CARMIL1: variants seen among roughly 807,000 people sequenced by gnomAD.
CARMIL1 encodes capping protein regulator and myosin 1 linker 1, also known as F-actin-uncapping protein LRRC16A.
Under a neutral mutation model 177.1 loss-of-function variants are expected in CARMIL1, and 90 were observed. The observed-to-expected ratio is 0.51, with a 90% CI of 0.43 to 0.61. The LOEUF (loss-of-function observed/expected upper bound fraction) is 0.61. Among genes scored for constraint, CARMIL1 ranks in the 20% least tolerant of loss-of-function variants. The probability of loss-of-function intolerance (pLI) is 0.00; values close to 1 mark genes in which losing one functional copy is unlikely to be tolerated. For synonymous variants in CARMIL1, 577 were observed against 606.2 expected, an observed-to-expected ratio of 0.95 and a Z score of 0.71; for missense variants, 1,380 against 1,667.0, an observed-to-expected ratio of 0.83 and a Z score of 3.00.
At chr6:25,412,512 T>C (rs60956605) in intron 2 of CARMIL1, among the ~76,000 whole-genome samples, 2,634 of 152,286 alleles carry the variant, frequency 0.017, 54 homozygotes, top group African/African-American at 0.058. Context: ...GCCCAGGAAG[T>C]CTAGGCTGCA....
intron 5 of CARMIL1, among the ~76,000 whole-genome samples, chr6:25,449,292 A>C (rs915369788): frequency 6.6e-6 from 1 of 152,182 alleles, no homozygotes; most frequent in African/African-American, 2.4e-5. Flanking sequence ...TTCCTGAAAA[A>C]GGAAACTTTG....
At position 25,553,984 on chromosome 6, in the gene CARMIL1, CTCTGTCCT is replaced by C. The variant is rs1300361048; in HGVS notation, c.2505-23_2505-16del. The C allele has an allele frequency of 6.7e-7, 1 of 1,484,358 alleles. No homozygotes were observed. Among genetic ancestry groups the C allele is most frequent in the East Asian group, 2.3e-5 (1 of 42,618 alleles). 91.9% of individuals were successfully genotyped at this position (1,484,358 alleles called of 1,614,324 possible). ...CCCTCTTGCACAAATTAAAATGGTA[CTCTGTCCT>C]TTTGATTTTCACACAGTGAAGTAAA... On this transcript the variant is annotated splice_polypyrimidine_tract_variant and intron_variant, in intron 27 of 36. Transcript: ENST00000329474.
At chr6:25,384,085 C>T (rs910401048) in intron 2 of CARMIL1, among the ~76,000 whole-genome samples, 9 of 152,174 alleles carry the variant, frequency 5.9e-5, no homozygotes, top group African/African-American at 1.9e-4. Context: ...GCGCTCCGCC[C>T]ACCTTGGCCT....
chr6:25,338,820 T>A (rs1786568900), intron 2 of CARMIL1, among the ~76,000 whole-genome samples: 1 of 152,188 alleles, frequency 6.6e-6, no homozygotes. Context: ...GCTTCTTGGG[T>A]TGTGCTATTT....
intron 2 of CARMIL1, among the ~76,000 whole-genome samples, chr6:25,302,844 A>C (rs1419860451): frequency 2.6e-5 from 4 of 152,204 alleles, no homozygotes; most frequent in Non-Finnish European, 5.9e-5. Flanking sequence ...TGACTAGTTC[A>C]TCTGAGTTCT....
intron 2 of CARMIL1, among the ~76,000 whole-genome samples, chr6:25,293,505 C>T (rs998680519): frequency 1.3e-5 from 2 of 152,030 alleles, no homozygotes; most frequent in Non-Finnish European, 2.9e-5. Flanking sequence ...CCTGTGTCAG[C>T]CTCTCGGGAG....
chr6:25,361,756 A>AG (rs1491216593), intron 2 of CARMIL1, among the ~76,000 whole-genome samples: 2 of 151,058 alleles, frequency 1.3e-5, no homozygotes, highest in East Asian at 3.9e-4. Flanking sequence ...TAAGGTCATC[A>AG]GGGGGGTTCC....
At chr6:25,421,043 G>A (rs888069644) in intron 3 of CARMIL1, among the ~76,000 whole-genome samples, 1 of 152,186 alleles carries the variant, frequency 6.6e-6, no homozygotes, top group Non-Finnish European at 1.5e-5. Context: ...CTTGACCAAG[G>A]TTAAACTTCC....
chr6:25,566,592 TA>T, intron 29 of CARMIL1, among the ~76,000 whole-genome samples: 1 of 152,344 alleles, frequency 6.6e-6, no homozygotes, highest in Non-Finnish European at 1.5e-5. Flanking sequence ...TAGCACTTAT[TA>T]GAACTTGAAG....
intron 1 of CARMIL1, among the ~76,000 whole-genome samples, chr6:25,281,941 C>A (rs1781150050): frequency 6.6e-6 from 1 of 151,682 alleles, no homozygotes; most frequent in Admixed American, 6.6e-5. Flanking sequence ...ATGAAGAAAC[C>A]CGGTCTCTAC....
chr6:25,444,533 C>T (rs6923082), intron 5 of CARMIL1, among the ~76,000 whole-genome samples: 65,888 of 151,822 alleles, frequency 0.43, 14,700 homozygotes, highest in East Asian at 0.58. Context: ...CAGCCCCCAC[C>T]GCCCGACAGG....
intron 2 of CARMIL1, among the ~76,000 whole-genome samples, chr6:25,307,173 G>A (rs368771880): frequency 5.9e-5 from 9 of 152,162 alleles, no homozygotes; most frequent in Admixed American, 2.0e-4. Context: ...GAGCCACCGC[G>A]CCCGGTCGCC....
In CARMIL1 at chr6:25,509,417, TG is replaced by T. The variant is rs1306258149; in HGVS notation, c.1396-238del. Among the ~76,000 whole-genome samples the T allele has an allele frequency of 6.6e-6, 1 of 152,196 alleles. No individual in the cohort carries two copies. The highest frequency in any genetic ancestry group is 1.5e-5 in the Non-Finnish European group (1 of 68,006). ...GGTGGTGGTCATCTTGTTTCTCTTT[TG>T]TTTTTTTCTAATGTTTTTAGGATTT... On this transcript the variant is annotated intron_variant, in intron 17 of 36. Transcript: ENST00000329474. The surrounding 1 kb of genome is among the most constrained non-coding windows in gnomAD (Gnocchi z 4.1).
intron 29 of CARMIL1, among the ~76,000 whole-genome samples, chr6:25,566,535 C>T (rs1196026675): frequency 6.6e-6 from 1 of 152,196 alleles, no homozygotes; most frequent in African/African-American, 2.4e-5. Context: ...GTCCTTGATC[C>T]TCTGAGCCAA....
chr6:25,450,984 C>CTCTT (rs201942523), intron 8 of CARMIL1, among the ~76,000 whole-genome samples: 82 of 6,182 alleles, frequency 0.013, 1 homozygote, highest in Non-Finnish European at 0.023. Context: ...CTCCTCTCCC[C>CTCTT]CTCCCCTCTC....
chr6:25,307,401 C>A (rs1056543397), intron 2 of CARMIL1, among the ~76,000 whole-genome samples: 8 of 152,158 alleles, frequency 5.3e-5, no homozygotes, highest in African/African-American at 1.9e-4. Flanking sequence ...AATTCCTTGA[C>A]CTGATCTGCA....
At chr6:25,534,075 A>C in intron 24 of CARMIL1, among the ~76,000 whole-genome samples, 1 of 150,184 alleles carries the variant, frequency 6.7e-6, no homozygotes, top group Non-Finnish European at 1.5e-5. Context: ...TATTTATACT[A>C]CGAGCTCTCT....
At chr6:25,468,273 A>G (rs1164138826) in intron 9 of CARMIL1, among the ~76,000 whole-genome samples, 1 of 152,178 alleles carries the variant, frequency 6.6e-6, no homozygotes, top group Non-Finnish European at 1.5e-5. Context: ...CATTAAAAAA[A>G]ACAGCAGAAT....
At chr6:25,545,884 G>A (rs960572166) in intron 26 of CARMIL1, among the ~76,000 whole-genome samples, 13 of 152,120 alleles carry the variant, frequency 8.5e-5, no homozygotes, top group African/African-American at 2.9e-4. Context: ...AGAACCTGTA[G>A]GAGACAACTA....
Sources: allele counts gnomAD v4.1 joint callset (sites outside exome capture counted in the v4.1 genomes callset), GRCh38; gene constraint gnomAD v4.1.1; non-coding constraint Gnocchi (gnomAD v3.1); transcripts MANE v1.5; gene names NCBI Gene and HGNC (gene_info 2026-07-23, HGNC 2026-07-21).